Variants in VWA8 observed in about 807,000 individuals in gnomAD.
VWA8 encodes von Willebrand factor A domain-containing protein 8.
In VWA8, 221 loss-of-function variants were observed where a neutral mutation model predicts 241.5. The ratio of observed to expected loss-of-function variants is 0.91; its 90% CI spans 0.82 to 1.02. VWA8 has a LOEUF of 1.02. VWA8 is among the 50% of genes least tolerant of loss of function. The pLI, the probability that VWA8 is intolerant of heterozygous loss-of-function variation, is 0.00. For missense variants in VWA8, 2,322 were observed against 2,328.7 expected (o/e 1.00, Z 0.06); for synonymous variants, 852 against 827.1 (o/e 1.03, Z -0.52).
rs869088660 is a variant in VWA8 at position 41,572,797 on chromosome 13, T to TAAAA, written c.5371-2095_5371-2092dup. On this transcript the variant is annotated intron_variant, in intron 43 of 44. Transcript: ENST00000379310. ...ACACCCAAGAATGATCAATAAATACTAAAAAAAAAAAAAAAAAAAAAAAAG... is the reference window on the plus strand; with the variant it reads ...ACACCCAAGAATGATCAATAAATACTAAAAAAAAAAAAAAAAAAAAAAAAAAAAG... Among the ~76,000 whole-genome samples, 142 of 67,756 alleles carry TAAAA rather than the reference T, an allele frequency of 2.1e-3. 2 individuals carry two copies. In the East Asian group the frequency reaches 0.036, roughly 17 times the overall value. 44.5% of individuals were successfully genotyped at this position (67,756 alleles called of 152,430 possible).
At chr13:41,588,972 T>C (rs150492814) in intron 41 of VWA8, among the ~76,000 whole-genome samples, 96 of 152,336 alleles carry the variant, frequency 6.3e-4, no homozygotes, top group African/African-American at 2.2e-3. Context: ...ACACATTTGT[T>C]GACCACAATG....
intron 18 of VWA8, among the ~76,000 whole-genome samples, chr13:41,786,560 T>C (rs1216703551): frequency 1.3e-5 from 2 of 152,152 alleles, no homozygotes; most frequent in African/African-American, 4.8e-5. Flanking sequence ...CTTTGGATAT[T>C]TAATAGACTC....
At chr13:41,732,020 T>C in intron 22 of VWA8, 60 bp downstream of exon 22, 2 of 1,489,678 alleles carry the variant, frequency 1.3e-6, no homozygotes, top group Non-Finnish European at 9.3e-7. Context: ...CTCCAAAAAC[T>C]GAAATACAAC....
At chr13:41,579,110 C>T (rs575382381) in intron 42 of VWA8, among the ~76,000 whole-genome samples, 23 of 152,148 alleles carry the variant, frequency 1.5e-4, no homozygotes, top group Non-Finnish European at 3.1e-4. Context: ...TCTATTAGGA[C>T]GGACAACCAT....
At chr13:41,731,021 A>G (rs2045478797) in intron 22 of VWA8, among the ~76,000 whole-genome samples, 2 of 150,988 alleles carry the variant, frequency 1.3e-5, no homozygotes. Flanking sequence ...ATAATAATAA[A>G]AACATAAAAA....
intron 2 of VWA8, among the ~76,000 whole-genome samples, chr13:41,934,462 AAAAG>A: frequency 6.6e-6 from 1 of 152,022 alleles, no homozygotes; most frequent in East Asian, 1.9e-4. Context: ...TACACAAGAA[AAAAG>A]AAAGCCTATG....
At chr13:41,585,230 C>T (rs1053915524) in intron 42 of VWA8, among the ~76,000 whole-genome samples, 2 of 152,152 alleles carry the variant, frequency 1.3e-5, no homozygotes, top group South Asian at 2.1e-4. Flanking sequence ...TCTTTCTATA[C>T]ACTCGGCTGC....
chr13:41,719,603 T>C lies in VWA8; in HGVS notation c.3104A>G (p.Gln1035Arg). ...IPIGAKPTSV[Q>R]LAKELTLPEQ... ...GAATTTGCCTTACTCCTTTGCCAGC[T>C]GCACACTGGTAGGCTTTGCTCCGAT... is the stretch of plus-strand genomic sequence containing the variant. Residue 1035 changes from glutamine (Q) to arginine (R), a missense_variant, in exon 26 of 45, where the codon CAG becomes CGG. Physicochemically the swap from Gln to Arg is conservative, Grantham distance 43. Transcript: ENST00000379310. 1 of 1,613,038 alleles carries C rather than the reference T, an allele frequency of 6.2e-7. No homozygotes were observed. Among genetic ancestry groups the C allele is most frequent in the Non-Finnish European group, 8.5e-7 (1 of 1,179,272 alleles).
intron 21 of VWA8, among the ~76,000 whole-genome samples, chr13:41,760,730 T>C (rs555392077): frequency 3.0e-4 from 45 of 152,042 alleles, no homozygotes; most frequent in African/African-American, 8.7e-4. Flanking sequence ...TTCTACCAGA[T>C]TTCTGGGTTC....
intron 2 of VWA8, among the ~76,000 whole-genome samples, chr13:41,936,384 G>C (rs1185787086): frequency 1.3e-5 from 2 of 152,018 alleles, no homozygotes; most frequent in Non-Finnish European, 2.9e-5. Flanking sequence ...TGGATCACAT[G>C]GTTTTTCTCA....
intron 12 of VWA8, among the ~76,000 whole-genome samples, chr13:41,855,303 AATATATATATATTTATTT>A (rs1484943259): frequency 6.8e-6 from 1 of 146,452 alleles, no homozygotes; most frequent in Non-Finnish European, 1.5e-5. Flanking sequence ...CACGGGTTTA[AATATATATATATTTATTT>A]ATATATATAT....
intron 43 of VWA8, among the ~76,000 whole-genome samples, chr13:41,575,223 G>A (rs527973397): frequency 2.0e-5 from 3 of 152,214 alleles, no homozygotes; most frequent in Non-Finnish European, 4.4e-5. Context: ...AGGACACAAA[G>A]ACATAAGAGT....
At position 41,605,171 on chromosome 13, in the gene VWA8, T is replaced by C. The variant is rs1382097721; in HGVS notation, c.4983A>G (p.Leu1661=). The C allele has an allele frequency of 6.2e-7, 1 of 1,612,760 alleles. No individual in the cohort carries two copies. The highest frequency in any genetic ancestry group is 1.7e-5 in the Admixed American group (1 of 59,944). Residue 1661 remains leucine (L), a synonymous_variant, in exon 40 of 45, where the codon TTA becomes TTG. Transcript: ENST00000379310. ...VHSLRIILDN[L]QAKGKERQWL... is the part of the protein sequence containing the mutation. The stretch of plus-strand genomic sequence containing the variant: ...TGGTCCATAAGTAGAAGATTACCTG[T>C]AAATTATCCAGGATGATTCGGAGGG...
At chr13:41,579,065 T>C (rs2044366936) in intron 42 of VWA8, among the ~76,000 whole-genome samples, 1 of 152,242 alleles carries the variant, frequency 6.6e-6, no homozygotes. Context: ...CAAAGTGCTA[T>C]TAGCAATTTT....
chr13:41,672,490 T>C (rs1433469873), intron 36 of VWA8, among the ~76,000 whole-genome samples: 1 of 152,204 alleles, frequency 6.6e-6, no homozygotes, highest in African/African-American at 2.4e-5. Flanking sequence ...TCTAAAGAGA[T>C]GGTCTGATAA....
At chr13:41,617,891 G>GACATTTGT (rs2044631971) in intron 37 of VWA8, among the ~76,000 whole-genome samples, 1 of 151,292 alleles carries the variant, frequency 6.6e-6, no homozygotes, top group African/African-American at 2.5e-5. Context: ...GTCTATTATG[G>GACATTTGT]GTTGGTTCCA....
chr13:41,573,108 CAAA>C (rs71086585), intron 43 of VWA8, among the ~76,000 whole-genome samples: 6 of 72,400 alleles, frequency 8.3e-5, no homozygotes, highest in Non-Finnish European at 5.9e-5. Context: ...GACACCGTTT[CAAA>C]AAAAAAAAAA....
At chr13:41,954,293 G>T (rs1213807003) in intron 1 of VWA8, among the ~76,000 whole-genome samples, 1 of 151,546 alleles carries the variant, frequency 6.6e-6, no homozygotes, top group African/African-American at 2.4e-5. Flanking sequence ...CCTGCCAGTA[G>T]CCTACTGGAG....
chr13:41,892,894 T>C (rs998581976), intron 4 of VWA8, among the ~76,000 whole-genome samples: 1 of 152,194 alleles, frequency 6.6e-6, no homozygotes, highest in African/African-American at 2.4e-5. Flanking sequence ...TAATTTGGCA[T>C]ATTAGCCTAT....
Sources: allele counts gnomAD v4.1 joint callset (sites outside exome capture counted in the v4.1 genomes callset), GRCh38; gene constraint gnomAD v4.1.1; transcripts MANE v1.5; gene names NCBI Gene and HGNC (gene_info 2026-07-23, HGNC 2026-07-21).